The following KCNQ5 variants were observed in gnomAD, a reference collection of about 807,000 sequenced individuals.
KCNQ5 encodes potassium voltage-gated channel subfamily KQT member 5.
KCNQ5 carries 30 observed loss-of-function variants against 98.2 expected under a neutral mutation model. That is an observed-to-expected ratio of 0.31 (90% CI 0.23 to 0.41). The LOEUF (loss-of-function observed/expected upper bound fraction) is 0.41, where lower values mean the gene tolerates loss of function less well. Ranked by LOEUF, KCNQ5 falls within the 10% of genes least tolerant of loss-of-function variation. The pLI is 1.00. For missense variants in KCNQ5, 835 were observed against 1,182.5 expected (o/e 0.71, Z 4.31); for synonymous variants, 458 against 449.4 (o/e 1.02, Z -0.24).
chr6:73,055,650 A>G, intron 3 of KCNQ5: 4 of 1,151,722 alleles, frequency 3.5e-6, no homozygotes, highest in Non-Finnish European at 5.2e-6. Flanking sequence ...GCCCATGGCA[A>G]CAGCCTCTGG....
At chr6:72,729,820 T>C (rs1440214984) in intron 1 of KCNQ5, among the ~76,000 whole-genome samples, 1 of 152,202 alleles carries the variant, frequency 6.6e-6, no homozygotes, top group Non-Finnish European at 1.5e-5. Flanking sequence ...ATTTACTTTC[T>C]TATACTGGGC....
At chr6:72,711,160 G>T (rs1013691113) in intron 1 of KCNQ5, among the ~76,000 whole-genome samples, 6 of 151,964 alleles carry the variant, frequency 3.9e-5, no homozygotes, top group African/African-American at 1.5e-4. Context: ...AATAGGACTG[G>T]TGTCCTCCTT....
intron 2 of KCNQ5, among the ~76,000 whole-genome samples, chr6:73,009,697 G>T (rs1354879100): frequency 6.6e-6 from 1 of 152,120 alleles, no homozygotes; most frequent in Non-Finnish European, 1.5e-5. Flanking sequence ...TGGGAATATT[G>T]CTACTGATTC....
intron 1 of KCNQ5, among the ~76,000 whole-genome samples, chr6:72,644,016 TG>T (rs1765463009): frequency 1.3e-5 from 2 of 151,124 alleles, no homozygotes; most frequent in Non-Finnish European, 3.0e-5. Context: ...ATTTCTAAAA[TG>T]AAAAAAAAAC....
At chr6:73,125,119 C>CTGAG (rs1775923918) in intron 9 of KCNQ5, among the ~76,000 whole-genome samples, 1 of 150,398 alleles carries the variant, frequency 6.6e-6, no homozygotes, top group Non-Finnish European at 1.5e-5. Context: ...CTCCAGCCCA[C>CTGAG]TGAGTGCTGA....
chr6:72,879,762 G>A (rs1778569113), intron 1 of KCNQ5, among the ~76,000 whole-genome samples: 1 of 152,038 alleles, frequency 6.6e-6, no homozygotes, highest in Non-Finnish European at 1.5e-5. Context: ...TTTTTTGTGT[G>A]TGATTTTTTT....
chr6:73,119,450 GT>G (rs544661309), intron 7 of KCNQ5, among the ~76,000 whole-genome samples: 170 of 152,290 alleles, frequency 1.1e-3, no homozygotes, highest in African/African-American at 3.9e-3. Flanking sequence ...TATGCCAGGT[GT>G]AATTATATGA....
At chr6:72,759,303 A>G (rs1772132102) in intron 1 of KCNQ5, among the ~76,000 whole-genome samples, 1 of 152,162 alleles carries the variant, frequency 6.6e-6, no homozygotes, top group Non-Finnish European at 1.5e-5. Context: ...CATGAATCTT[A>G]GGAAACAAAT....
At chr6:72,681,304 T>C (rs748362925) in intron 1 of KCNQ5, among the ~76,000 whole-genome samples, 8 of 152,226 alleles carry the variant, frequency 5.3e-5, no homozygotes, top group Non-Finnish European at 1.2e-4. Context: ...TGATAAGAGA[T>C]AATAATAGCT....
intron 1 of KCNQ5, among the ~76,000 whole-genome samples, chr6:72,904,914 T>C (rs956833081): frequency 6.6e-6 from 1 of 152,206 alleles, no homozygotes; most frequent in African/African-American, 2.4e-5. Context: ...TTTGTATGTC[T>C]AGTTTTCTAG....
intron 1 of KCNQ5, among the ~76,000 whole-genome samples, chr6:72,724,303 T>C (rs1770142856): frequency 1.3e-5 from 2 of 152,218 alleles, no homozygotes; most frequent in South Asian, 4.1e-4. Context: ...TTGAATATAC[T>C]AAATAGATGC....
chr6:72,822,420 T>A (rs562822087), intron 1 of KCNQ5, among the ~76,000 whole-genome samples: 31 of 152,320 alleles, frequency 2.0e-4, no homozygotes, highest in Admixed American at 1.4e-3. Context: ...TTTGGAACTT[T>A]TTTGTACTCC....
chr6:73,075,880 C>CA (rs1371362177), intron 3 of KCNQ5, among the ~76,000 whole-genome samples: 1 of 151,926 alleles, frequency 6.6e-6, no homozygotes, highest in Admixed American at 6.6e-5. Context: ...CCCATCTCTA[C>CA]AAAAAAATAC....
At chr6:73,104,420 C>A (rs1774920446) in intron 5 of KCNQ5, among the ~76,000 whole-genome samples, 1 of 152,046 alleles carries the variant, frequency 6.6e-6, no homozygotes, top group Non-Finnish European at 1.5e-5. Flanking sequence ...ACACAGTAGT[C>A]TATAAAATAT....
chr6:72,990,313 T>G (rs1264616633), intron 1 of KCNQ5, among the ~76,000 whole-genome samples: 1 of 65,524 alleles, frequency 1.5e-5, no homozygotes, highest in African/African-American at 6.6e-5. Flanking sequence ...TCCATTTGTT[T>G]GTGTCCTCTT....
chr6:72,790,167 T>G (rs1299592738), intron 1 of KCNQ5, among the ~76,000 whole-genome samples: 1 of 152,262 alleles, frequency 6.6e-6, no homozygotes, highest in Non-Finnish European at 1.5e-5. Flanking sequence ...TAACAAGTTT[T>G]TCTTTATTCT....
intron 1 of KCNQ5, among the ~76,000 whole-genome samples, chr6:72,883,234 TTCTA>T (rs1357997740): frequency 1.6e-4 from 24 of 152,338 alleles, no homozygotes; most frequent in African/African-American, 4.8e-4. Context: ...CTTACACTGT[TTCTA>T]TCTATTTATT....
At chr6:72,768,517 A>T (rs1772690394) in intron 1 of KCNQ5, among the ~76,000 whole-genome samples, 1 of 152,082 alleles carries the variant, frequency 6.6e-6, no homozygotes, top group South Asian at 2.1e-4. Flanking sequence ...GTTTTAGTAT[A>T]GAAAGAGAAA....
At chr6:72,624,028 A>C (rs1400930206) in intron 1 of KCNQ5, among the ~76,000 whole-genome samples, 1 of 152,236 alleles carries the variant, frequency 6.6e-6, no homozygotes, top group African/African-American at 2.4e-5. Context: ...ACAGTCCCAG[A>C]TTGACGTGAA....
Sources: gnomAD v4.1 joint callset for allele counts (sites outside exome capture counted in the v4.1 genomes callset) on GRCh38, gnomAD v4.1.1 for gene constraint, MANE v1.5 for transcripts, NCBI Gene and HGNC (gene_info 2026-07-23, HGNC 2026-07-21) for gene names.